HMGXB3: variants seen among roughly 807,000 people sequenced by gnomAD.
HMGXB3 encodes HMG-box containing 3, also known as HMG domain-containing protein 3.
In HMGXB3, 45 loss-of-function variants were observed where a neutral mutation model predicts 121.5. The ratio of observed to expected loss-of-function variants is 0.37; its 90% CI spans 0.29 to 0.47. The LOEUF is 0.47. Among genes scored for constraint, HMGXB3 ranks in the 20% least tolerant of loss-of-function variants. The pLI is 0.99. For synonymous variants in HMGXB3, 590 were observed against 624.1 expected (o/e 0.95, Z 0.81); for missense variants, 1,376 against 1,602.2 (o/e 0.86, Z 2.41).
At chr5:150,042,330 A>T (rs1412500939) in intron 15 of HMGXB3, among the ~76,000 whole-genome samples, 1 of 152,220 alleles carries the variant, frequency 6.6e-6, no homozygotes, top group African/African-American at 2.4e-5. Flanking sequence ...CAGGAAACAA[A>T]TATCTGTCCA....
At chr5:150,022,149 C>T (rs1449764365) in intron 6 of HMGXB3, among the ~76,000 whole-genome samples, 1 of 152,174 alleles carries the variant, frequency 6.6e-6, no homozygotes, top group Non-Finnish European at 1.5e-5. Flanking sequence ...TGACTCAAGA[C>T]AGTTCTTCCA....
At chr5:150,009,625 A>T (rs1020951969) in intron 3 of HMGXB3, among the ~76,000 whole-genome samples, 2 of 152,114 alleles carry the variant, frequency 1.3e-5, no homozygotes, top group Non-Finnish European at 2.9e-5. Context: ...CTTGTATTTT[A>T]TGCTTTTTGG....
intron 5 of HMGXB3, among the ~76,000 whole-genome samples, chr5:150,018,278 C>T (rs1284991528): frequency 2.0e-5 from 3 of 152,178 alleles, no homozygotes; most frequent in Non-Finnish European, 2.9e-5. Flanking sequence ...AAGTGTTTAG[C>T]ATTGTGTGGT....
Position 150,047,580 on chromosome 5 carries a change from G to T in HMGXB3, c.2951-44G>T. 1.9e-6 allele frequency: 3 copies of T among 1,549,752 alleles called. No individual in the cohort carries two copies. The South Asian group carries it at 3.6e-5, about 18-fold the overall frequency. On this transcript the variant is annotated intron_variant, in intron 16 of 19. Coordinates refer to ENST00000502717, the MANE Select transcript of HMGXB3 (RefSeq NM_014983.3). ...TGTGGGCCTAGCCTTGGCCTCTGGT[G>T]ACTGGCGGCAGCACCCTCCCACCAG...
intron 6 of HMGXB3, among the ~76,000 whole-genome samples, chr5:150,018,911 A>T (rs1756020136): frequency 6.6e-6 from 1 of 152,226 alleles, no homozygotes. Flanking sequence ...AAGAAAAGCC[A>T]TTATTAACAT....
intron 5 of HMGXB3, among the ~76,000 whole-genome samples, chr5:150,016,050 A>G (rs1755952691): frequency 6.6e-6 from 1 of 152,224 alleles, no homozygotes; most frequent in African/African-American, 2.4e-5. Flanking sequence ...ATCAATTATA[A>G]GAGAAGGCAT....
chr5:150,021,830 G>A, intron 6 of HMGXB3: 1 of 507,970 alleles, frequency 2.0e-6, no homozygotes, highest in South Asian at 1.4e-5. Flanking sequence ...CTTCTCCAGG[G>A]ATTTTATGTT....
At chr5:150,006,759 GT>G in intron 3 of HMGXB3, 112 bp downstream of exon 3, 2 of 907,418 alleles carry the variant, frequency 2.2e-6, no homozygotes, top group Non-Finnish European at 3.3e-6. Flanking sequence ...AAGTTTCATC[GT>G]TTTATCCTTC....
intron 9 of HMGXB3, chr5:150,030,522 A>G (rs905378325): frequency 5.8e-6 from 3 of 513,758 alleles, no homozygotes; most frequent in Non-Finnish European, 1.1e-5. Context: ...AATACATGGT[A>G]TTAGAAACTG....
chr5:150,047,618 T>C lies in HMGXB3; in HGVS notation c.2951-6T>C, dbSNP rs377568771. ...ACCCTCCCACCAGCACTGTTGTCTCTTGCAGGCAGTGGCAGTGCCTTGGTG... is the reference window on the plus strand; with the variant it reads ...ACCCTCCCACCAGCACTGTTGTCTCCTGCAGGCAGTGGCAGTGCCTTGGTG... On this transcript the variant is annotated splice_region_variant and splice_polypyrimidine_tract_variant and intron_variant, in intron 16 of 19. Coordinates refer to ENST00000502717, the MANE Select transcript of HMGXB3 (RefSeq NM_014983.3). 1.9e-6 allele frequency: 3 copies of C among 1,551,502 alleles called. No homozygotes were observed. In the African/African-American group the frequency reaches 4.1e-5, roughly 21 times the overall value.
Position 150,012,257 on chromosome 5 carries a change from T to C in HMGXB3, c.813T>C (p.Asp271=), listed in dbSNP as rs752852570. The change falls in exon 5 of 20, where the codon GAT becomes GAC. Residue 271 remains aspartate, a splice_region_variant and synonymous_variant. Coordinates refer to ENST00000502717, the MANE Select transcript of HMGXB3 (RefSeq NM_014983.3). The part of the protein sequence containing the change: ...ESVSVVTVMR[D]SSESSSSAPA... ...GTCCTTCTCTTCATTGCCCATAGGA[T>C]TCCAGTGAGAGTAGCTCCTCTGCAC... The C allele has an allele frequency of 1.8e-4, 285 of 1,551,110 alleles. No homozygotes were observed. The highest frequency in any genetic ancestry group is 2.5e-4 in the Non-Finnish European group (282 of 1,146,146).
intron 3 of HMGXB3, among the ~76,000 whole-genome samples, chr5:150,008,884 C>T (rs1755768709): frequency 6.6e-6 from 1 of 152,230 alleles, no homozygotes; most frequent in Non-Finnish European, 1.5e-5. Context: ...TTCAGTCCAT[C>T]TGCTTTTATG....
At chr5:150,039,918 A>C (rs1756588036) in intron 13 of HMGXB3, among the ~76,000 whole-genome samples, 1 of 152,212 alleles carries the variant, frequency 6.6e-6, no homozygotes. Flanking sequence ...ATATAAAATC[A>C]CCCACTTTTA....
At chr5:150,032,334 A>G (rs1471004400) in intron 10 of HMGXB3, 120 bp from the exon 11 acceptor site, 9 of 884,642 alleles carry the variant, frequency 1.0e-5, no homozygotes, top group Non-Finnish European at 1.7e-6. Flanking sequence ...GTTAGGCTGA[A>G]TCTGGTTTGC....
At chr5:150,018,427 C>A in intron 5 of HMGXB3, 139 bp from the exon 6 acceptor site, 1 of 635,872 alleles carries the variant, frequency 1.6e-6, no homozygotes, top group South Asian at 4.5e-5. Context: ...AGGACCTTTC[C>A]AACACTGACC....
At chr5:150,025,517 C>T (rs556626086) in intron 7 of HMGXB3, among the ~76,000 whole-genome samples, 5 of 151,762 alleles carry the variant, frequency 3.3e-5, no homozygotes, top group African/African-American at 7.3e-5. Context: ...TTTTTTTTAA[C>T]ACAAATCATA....
intron 14 of HMGXB3, 138 bp from the exon 15 acceptor site, chr5:150,041,647 A>G: frequency 3.1e-6 from 2 of 649,628 alleles, no homozygotes; most frequent in Non-Finnish European, 5.2e-6. Flanking sequence ...CCTGACCCTC[A>G]GGGTAGGTAG....
At chr5:150,049,585 C>G (rs1756843667) in intron 18 of HMGXB3, among the ~76,000 whole-genome samples, 1 of 152,188 alleles carries the variant, frequency 6.6e-6, no homozygotes, top group Non-Finnish European at 1.5e-5. Context: ...CAGATCAGAG[C>G]CTGCTCAGGG....
chr5:150,019,645 T>C (rs1222908575), intron 6 of HMGXB3, among the ~76,000 whole-genome samples: 6 of 152,178 alleles, frequency 3.9e-5, no homozygotes, highest in African/African-American at 1.4e-4. Context: ...CAAGGTATTA[T>C]AGAAGAGAGA....
Sources: gnomAD v4.1 joint callset for allele counts (sites outside exome capture counted in the v4.1 genomes callset) on GRCh38, gnomAD v4.1.1 for gene constraint, MANE v1.5 for transcripts, NCBI Gene and HGNC (gene_info 2026-07-23, HGNC 2026-07-21) for gene names.